The following SLC35D4 variants were observed in gnomAD, a reference collection of about 807,000 sequenced individuals.
The protein encoded by SLC35D4 is solute carrier family 35 member D4.
At chr18:23,355,236 A>C in the SLC35D4 span, among the ~76,000 whole-genome samples, 2 of 152,200 alleles carry the variant, frequency 1.3e-5, no homozygotes, top group African/African-American at 4.8e-5. Flanking sequence ...ATCATGTTGC[A>C]TTATGAGAAA....
chr18:23,300,413 C>T, the SLC35D4 span, among the ~76,000 whole-genome samples: 1 of 152,102 alleles, frequency 6.6e-6, no homozygotes, highest in African/African-American at 2.4e-5. Flanking sequence ...ATACACTTTC[C>T]ACTAATCCTC....
the SLC35D4 span, among the ~76,000 whole-genome samples, chr18:23,413,144 C>T: frequency 4.6e-5 from 7 of 152,194 alleles, no homozygotes; most frequent in Non-Finnish European, 1.0e-4. Flanking sequence ...GTTGGGATTA[C>T]AGGCGTGAGC....
chr18:23,411,604 C>T, the SLC35D4 span, among the ~76,000 whole-genome samples: 3 of 152,032 alleles, frequency 2.0e-5, no homozygotes, highest in South Asian at 4.2e-4. Context: ...GACTGCAGAC[C>T]TTACCATGTT....
At chr18:23,431,153 C>CAAAAAAA in the SLC35D4 span, among the ~76,000 whole-genome samples, 3 of 66,244 alleles carry the variant, frequency 4.5e-5, no homozygotes, top group African/African-American at 6.3e-5. Flanking sequence ...GAGTATATCT[C>CAAAAAAA]AAAAAAAAAA....
At chr18:23,340,175 C>T in the SLC35D4 span, among the ~76,000 whole-genome samples, 1 of 151,872 alleles carries the variant, frequency 6.6e-6, no homozygotes, top group Non-Finnish European at 1.5e-5. Flanking sequence ...CTCATCTCTA[C>T]AAAAAAATAA....
At chr18:23,252,312 C>T in the SLC35D4 span, among the ~76,000 whole-genome samples, 1 of 152,174 alleles carries the variant, frequency 6.6e-6, no homozygotes, top group Admixed American at 6.5e-5. Flanking sequence ...CACAACTATG[C>T]GAATGTTCTT....
chr18:23,249,603 G>T, the SLC35D4 span, among the ~76,000 whole-genome samples: 1 of 152,148 alleles, frequency 6.6e-6, no homozygotes, highest in African/African-American at 2.4e-5. Context: ...TTTTACGTAC[G>T]TTTTGTTCTC....
the SLC35D4 span, among the ~76,000 whole-genome samples, chr18:23,414,322 G>GAAGGAAGGAAGGAAGA: frequency 6.8e-5 from 10 of 148,042 alleles, 1 homozygote; most frequent in South Asian, 2.2e-3. Flanking sequence ...AGGAAGGAAG[G>GAAGGAAGGAAGGAAGA]AAGGAAGGAA....
chr18:23,367,351 A>G, the SLC35D4 span, among the ~76,000 whole-genome samples: 1 of 152,086 alleles, frequency 6.6e-6, no homozygotes, highest in Non-Finnish European at 1.5e-5. Flanking sequence ...TTTATTCCTA[A>G]CCAACGCAAT....
the SLC35D4 span, among the ~76,000 whole-genome samples, chr18:23,290,797 T>C: frequency 2.0e-5 from 3 of 151,968 alleles, no homozygotes; most frequent in African/African-American, 7.2e-5. Flanking sequence ...CTGCTAATTT[T>C]TTTTTTTTTT....
the SLC35D4 span, among the ~76,000 whole-genome samples, chr18:23,250,791 T>A: frequency 6.6e-6 from 1 of 152,240 alleles, no homozygotes; most frequent in African/African-American, 2.4e-5. Flanking sequence ...TGGCATTGCA[T>A]CCACCAAGTC....
At chr18:23,340,280 T>C in the SLC35D4 span, among the ~76,000 whole-genome samples, 26 of 152,120 alleles carry the variant, frequency 1.7e-4, 1 homozygote, top group Middle Eastern at 3.4e-3. Flanking sequence ...GAGGATACAG[T>C]TGCATGATGG....
chr18:23,409,672 G>T, the SLC35D4 span, among the ~76,000 whole-genome samples: 4 of 151,980 alleles, frequency 2.6e-5, no homozygotes, highest in Non-Finnish European at 2.9e-5. Flanking sequence ...GTAAAACACC[G>T]TCTCAACTAA....
At chr18:23,352,564 A>C in the SLC35D4 span, among the ~76,000 whole-genome samples, 2 of 152,240 alleles carry the variant, frequency 1.3e-5, no homozygotes, top group Non-Finnish European at 2.9e-5. Flanking sequence ...AAGAAAAAAA[A>C]GGTGGAGGAC....
At chr18:23,375,621 G>T in the SLC35D4 span, among the ~76,000 whole-genome samples, 1 of 152,130 alleles carries the variant, frequency 6.6e-6, no homozygotes, top group Non-Finnish European at 1.5e-5. Context: ...CAGATGAAAT[G>T]CTAGGGTGCC....
At chr18:23,351,942 T>C in the SLC35D4 span, among the ~76,000 whole-genome samples, 1 of 152,226 alleles carries the variant, frequency 6.6e-6, no homozygotes, top group Non-Finnish European at 1.5e-5. Flanking sequence ...TCTGGACACC[T>C]GCACAGCCTC....
At chr18:23,284,578 C>T in the SLC35D4 span, among the ~76,000 whole-genome samples, 1 of 152,174 alleles carries the variant, frequency 6.6e-6, no homozygotes, top group African/African-American at 2.4e-5. Flanking sequence ...ATCTGTCTCC[C>T]TATAATGTAT....
chr18:23,341,007 C>G, the SLC35D4 span, among the ~76,000 whole-genome samples: 20 of 152,214 alleles, frequency 1.3e-4, no homozygotes, highest in Non-Finnish European at 2.2e-4. Flanking sequence ...TAGGAGAAAA[C>G]TATAAACTCA....
the SLC35D4 span, among the ~76,000 whole-genome samples, chr18:23,338,285 A>G: frequency 1.3e-5 from 2 of 152,224 alleles, no homozygotes; most frequent in Non-Finnish European, 2.9e-5. Context: ...AATTCTGAGT[A>G]GTGTCTAGAA....
Sources: allele counts gnomAD v4.1 joint callset (sites outside exome capture counted in the v4.1 genomes callset), GRCh38; gene constraint gnomAD v4.1.1; transcripts MANE v1.5; gene names NCBI Gene and HGNC (gene_info 2026-07-23, HGNC 2026-07-21).